PCBD1: variants seen among roughly 807,000 people sequenced by gnomAD.
The protein encoded by PCBD1 is pterin-4 alpha-carbinolamine dehydratase 1.
In PCBD1, 16 loss-of-function variants were observed where a neutral mutation model predicts 12.6. The ratio of observed to expected loss-of-function variants is 1.27; its 90% CI spans 0.86 to 1.93. The LOEUF (loss-of-function observed/expected upper bound fraction) is 1.93. Among genes scored for constraint, PCBD1 ranks in the 30% most tolerant of loss-of-function variants. The pLI is 0.00. For missense variants in PCBD1, 86 were observed against 130.1 expected (o/e 0.66, Z 1.65); for synonymous variants, 53 against 50.2 (o/e 1.05, Z -0.23).
chr10:70,885,714 C>T (rs1846570897), intron 2 of PCBD1, 84 bp downstream of exon 2: 4 of 1,554,986 alleles, frequency 2.6e-6, no homozygotes, highest in Admixed American at 3.4e-5. Context: ...TCTTGGCTAA[C>T]AAGACGTGAA....
In PCBD1 at chr10:70,885,743, T is replaced by C. The variant is rs563858065; in HGVS notation, c.135+55A>G. On this transcript the variant is annotated intron_variant, in intron 2 of 3. Transcript: ENST00000299299. ...ACGTGAAGGGAGAGAACATGCTTTG[T>C]AAGGTGACCCCATCAGCCCGTCTCA... The C allele has an allele frequency of 7.5e-5, 121 of 1,608,328 alleles. 1 individual carries two copies. The South Asian group carries it at 1.3e-3, about 18-fold the overall frequency.
chr10:70,888,528 C>T lies in PCBD1; in HGVS notation c.3+3G>A. ...GATCGCGGCCGCGCACCCCTGGACTCACCATGGCGCGGGCGGCAGCAGGTG... is the reference window on the plus strand; with the variant it reads ...GATCGCGGCCGCGCACCCCTGGACTTACCATGGCGCGGGCGGCAGCAGGTG... On this transcript the variant is annotated splice_donor_region_variant and intron_variant, in intron 1 of 3. Transcript: ENST00000299299. The T allele has an allele frequency of 7.8e-7, 1 of 1,276,394 alleles. No individual in the cohort carries two copies. The highest frequency in any genetic ancestry group is 2.7e-5 in the South Asian group (1 of 37,690). 79.1% of individuals were successfully genotyped at this position (1,276,394 alleles called of 1,614,324 possible).
In PCBD1 at chr10:70,885,180, T is replaced by G. The variant is rs757834419; in HGVS notation, c.188A>C (p.His63Pro). 6.2e-7 allele frequency: 1 copy of G among 1,614,048 alleles called. No homozygotes were observed. Among genetic ancestry groups the G allele is most frequent in the Admixed American group, 1.7e-5 (1 of 60,028 alleles). ...VALQAEKLDH[H>P]PEWFNVYNKV... ...GTTGTACACGTTAAACCATTCAGGATGGTGGTCCAGTTTCTCAGCCTGCAG... is the reference window on the plus strand; with the variant it reads ...GTTGTACACGTTAAACCATTCAGGAGGGTGGTCCAGTTTCTCAGCCTGCAG... Residue 63 changes from histidine to proline, a missense_variant, in exon 3 of 4, where the codon CAT (histidine) becomes CCT (proline). Physicochemically the swap from His to Pro is moderately conservative, Grantham distance 77. Transcript: ENST00000299299.
At chr10:70,883,326 TTGA>T (rs1846527076), downstream of PCBD1, among the ~76,000 whole-genome samples, 1 of 152,240 alleles carries the variant, frequency 6.6e-6, no homozygotes, top group East Asian at 1.9e-4. Flanking sequence ...GTGTTCCTGT[TTGA>T]TGATAATCAA....
chr10:70,885,338 G>C (rs1272442305), intron 2 of PCBD1, 106 bp from the exon 3 acceptor site: 1 of 796,602 alleles, frequency 1.3e-6, no homozygotes, highest in Admixed American at 2.0e-5. Context: ...TTCCCCCCAG[G>C]AGACTCCTCT....
chr10:70,883,519 A>T lies in PCBD1; in HGVS notation c.*431T>A. 1 of 1,091,886 alleles carries T rather than the reference A, an allele frequency of 9.2e-7. No individual in the cohort carries two copies. Among genetic ancestry groups the T allele is most frequent in the African/African-American group, 1.6e-5 (1 of 61,252 alleles). The allele number at this position is 1,091,886 out of a possible 1,614,324, so 67.6% of individuals were successfully genotyped here. On this transcript the variant is annotated 3_prime_UTR_variant, in exon 4 of 4. Transcript: ENST00000299299. ...TTTCTAGAGCCTGAGACCAAGTGAT[A>T]TAATAGTTTTATTTGAGACATAAAA...
intron 2 of PCBD1, 98 bp from the exon 3 acceptor site, chr10:70,885,330 C>T (rs1846565674): frequency 1.2e-6 from 1 of 866,016 alleles, no homozygotes. Flanking sequence ...GAATTAGCTT[C>T]CCCCCAGGAG....
In PCBD1 at chr10:70,885,887, G is replaced by T. The variant is rs1846574674; in HGVS notation, c.46C>A (p.Leu16Met). ...CCCACAGCCCTCAGGTTTGGCAGCAGCTGGTCCCTCTCCTCAGCGCTCAGC... is the reference window on the plus strand; with the variant it reads ...CCCACAGCCCTCAGGTTTGGCAGCATCTGGTCCCTCTCCTCAGCGCTCAGC... ...HRLSAEERDQ[L>M]LPNLRAVGWN... The change falls in exon 2 of 4, where the codon CTG becomes ATG. Residue 16 changes from leucine to methionine, a missense_variant. Leu to Met is a conservative substitution (Grantham distance 15). Transcript: ENST00000299299. 1 of 1,613,950 alleles carries T rather than the reference G, an allele frequency of 6.2e-7. No individual in the cohort carries two copies. Among genetic ancestry groups the T allele is most frequent in the South Asian group, 1.1e-5 (1 of 91,040 alleles).
chr10:70,888,252 C>T (rs1846618990), intron 1 of PCBD1: 1 of 343,858 alleles, frequency 2.9e-6, no homozygotes, highest in Non-Finnish European at 5.3e-6. Context: ...GGTCGTAGGC[C>T]CCGCCCCCGG....
intron 1 of PCBD1, among the ~76,000 whole-genome samples, chr10:70,886,696 C>T (rs567712230): frequency 8.5e-5 from 13 of 152,348 alleles, no homozygotes; most frequent in African/African-American, 2.6e-4. Flanking sequence ...TCTGGTTTTC[C>T]GTCTGCTTTT....
chr10:70,882,788 A>G (rs536378196), downstream of PCBD1, among the ~76,000 whole-genome samples: 1 of 152,368 alleles, frequency 6.6e-6, no homozygotes, highest in East Asian at 1.9e-4. Flanking sequence ...GACACCTAAC[A>G]TTAGCCATCA....
chr10:70,887,269 T>C (rs976543939), intron 1 of PCBD1, among the ~76,000 whole-genome samples: 2 of 152,190 alleles, frequency 1.3e-5, no homozygotes, highest in Non-Finnish European at 2.9e-5. Context: ...CTGGTAGCAT[T>C]TGGGGTAGCT....
At chr10:70,888,399 A>C in intron 1 of PCBD1, 132 bp downstream of exon 1, 1 of 1,014,980 alleles carries the variant, frequency 9.9e-7, no homozygotes, top group Non-Finnish European at 1.3e-6. Context: ...CCGGGCAGAG[A>C]CCCCACTTTC....
At chr10:70,886,046 A>C (rs1846577916) in intron 1 of PCBD1, 117 bp from the exon 2 acceptor site, 3 of 1,353,176 alleles carry the variant, frequency 2.2e-6, no homozygotes, top group Middle Eastern at 4.6e-4. Flanking sequence ...GTGGGTGACC[A>C]AAGGGCAGCA....
At chr10:70,888,315 C>A in intron 1 of PCBD1, 1 of 432,850 alleles carries the variant, frequency 2.3e-6, no homozygotes, top group Non-Finnish European at 3.9e-6. Context: ...GGCCTCCCAA[C>A]TGGGTGGGAT....
intron 3 of PCBD1, 74 bp downstream of exon 3, chr10:70,885,078 G>T: frequency 8.1e-7 from 1 of 1,232,446 alleles, no homozygotes; most frequent in Non-Finnish European, 1.2e-6. Context: ...AAGTCCAAAA[G>T]CCTTCAGAAT....
rs886047114 is a variant in PCBD1 at position 70,888,548 on chromosome 10, C to G, written c.-15G>C. On this transcript the variant is annotated 5_prime_UTR_variant, in exon 1 of 4. Transcript: ENST00000299299. ...GGACTCACCATGGCGCGGGCGGCAG[C>G]AGGTGGCCAGCGGAGAGGGCAGGCG... The G allele has an allele frequency of 2.4e-6, 3 of 1,242,898 alleles. No homozygotes were observed. Among genetic ancestry groups the G allele is most frequent in the Non-Finnish European group, 1.0e-6 (1 of 992,496 alleles). 77.0% of individuals were successfully genotyped at this position (1,242,898 alleles called of 1,614,324 possible). A position where few individuals can be genotyped will look rare whatever the true frequency, so the allele number is the denominator to read the frequency against.
At chr10:70,884,879 C>T (rs1050570685) in intron 3 of PCBD1, among the ~76,000 whole-genome samples, 2 of 152,118 alleles carry the variant, frequency 1.3e-5, no homozygotes, top group African/African-American at 4.8e-5. Context: ...TGGGTTTTGC[C>T]TTCTTAATGT....
intron 2 of PCBD1, 143 bp from the exon 3 acceptor site, chr10:70,885,375 T>C (rs558292797): frequency 1.4e-6 from 1 of 715,150 alleles, no homozygotes; most frequent in African/African-American, 1.7e-5. Context: ...TGACATCCTG[T>C]CACTGGTTCT....
Sources: allele counts gnomAD v4.1 joint callset (sites outside exome capture counted in the v4.1 genomes callset), GRCh38; gene constraint gnomAD v4.1.1; transcripts MANE v1.5; gene names NCBI Gene and HGNC (gene_info 2026-07-23, HGNC 2026-07-21).